The following KCNH7 variants were observed in gnomAD, a reference collection of about 807,000 sequenced individuals.
The protein encoded by KCNH7 is potassium voltage-gated channel subfamily H member 7, also known as voltage-gated inwardly rectifying potassium channel KCNH7.
In KCNH7, 49 loss-of-function variants were observed where a neutral mutation model predicts 120.8. The observed-to-expected ratio is 0.41, with a 90% CI of 0.32 to 0.51. The LOEUF (loss-of-function observed/expected upper bound fraction) is 0.51, where lower values mean the gene tolerates loss of function less well. KCNH7 is among the 20% of genes least tolerant of loss of function. The pLI, the probability that KCNH7 is intolerant of heterozygous loss-of-function variation, is 0.38. For missense variants in KCNH7, 1,097 were observed against 1,446.6 expected (o/e 0.76, Z 3.92); for synonymous variants, 547 against 516.1 (o/e 1.06, Z -0.81).
intron 7 of KCNH7, among the ~76,000 whole-genome samples, chr2:162,441,064 CT>C (rs1688401499): frequency 6.6e-6 from 1 of 151,328 alleles, no homozygotes. Flanking sequence ...TCTCATATCT[CT>C]TAAAAGTCAT....
At chr2:162,817,351 T>A (rs1194607000) in intron 2 of KCNH7, among the ~76,000 whole-genome samples, 1 of 152,194 alleles carries the variant, frequency 6.6e-6, no homozygotes, top group African/African-American at 2.4e-5. Flanking sequence ...CATTTTTTGC[T>A]CAACATGTTT....
intron 2 of KCNH7, among the ~76,000 whole-genome samples, chr2:162,671,238 A>C (rs906976722): frequency 6.6e-6 from 1 of 152,192 alleles, no homozygotes; most frequent in Non-Finnish European, 1.5e-5. Context: ...TTATTTTATC[A>C]AAAAGACACC....
At chr2:162,591,174 A>G (rs1694204410) in intron 2 of KCNH7, among the ~76,000 whole-genome samples, 1 of 152,074 alleles carries the variant, frequency 6.6e-6, no homozygotes, top group African/African-American at 2.4e-5. Context: ...CTTTCTCAAC[A>G]AGATTATCTT....
chr2:162,760,887 C>T (rs532618426), intron 2 of KCNH7, among the ~76,000 whole-genome samples: 10 of 152,154 alleles, frequency 6.6e-5, no homozygotes, highest in East Asian at 1.9e-4. Flanking sequence ...TAGAAAGATC[C>T]GCACAAGGTA....
At chr2:162,462,012 G>A (rs1393147664) in intron 6 of KCNH7, among the ~76,000 whole-genome samples, 1 of 152,082 alleles carries the variant, frequency 6.6e-6, no homozygotes, top group Non-Finnish European at 1.5e-5. Context: ...ATACTTTCCA[G>A]GGGTCCTGTA....
intron 5 of KCNH7, among the ~76,000 whole-genome samples, 177 bp from the exon 6 acceptor site, chr2:162,504,834 C>T (rs763236084): frequency 1.3e-5 from 2 of 151,940 alleles, no homozygotes; most frequent in African/African-American, 4.8e-5. Flanking sequence ...CATGGAATGG[C>T]ATGTGAGTAT....
chr2:162,440,681 T>C (rs17728270), intron 7 of KCNH7, among the ~76,000 whole-genome samples: 10,063 of 152,164 alleles, frequency 0.066, 453 homozygotes, highest in Non-Finnish European at 0.092. Context: ...TTCTAAAGTA[T>C]GGCTTTTAAA....
intron 5 of KCNH7, among the ~76,000 whole-genome samples, chr2:162,509,224 T>G (rs1429949801): frequency 1.3e-5 from 2 of 151,530 alleles, no homozygotes; most frequent in East Asian, 3.9e-4. Context: ...CTATTTAAAT[T>G]TATCATGAGT....
chr2:162,720,568 T>G (rs1687293496), intron 2 of KCNH7, among the ~76,000 whole-genome samples: 1 of 151,918 alleles, frequency 6.6e-6, no homozygotes, highest in Non-Finnish European at 1.5e-5. Context: ...TAACACACAA[T>G]TTAAAAATAA....
At chr2:162,454,704 G>A (rs1012638667) in intron 6 of KCNH7, among the ~76,000 whole-genome samples, 2 of 151,866 alleles carry the variant, frequency 1.3e-5, no homozygotes, top group Non-Finnish European at 1.5e-5. Flanking sequence ...TAGCAATTGT[G>A]AACAGAAGTT....
chr2:162,714,974 T>G (rs1432080961), intron 2 of KCNH7, among the ~76,000 whole-genome samples: 1 of 152,214 alleles, frequency 6.6e-6, no homozygotes, highest in African/African-American at 2.4e-5. Flanking sequence ...ATAAATGTCA[T>G]GCTAATAATG....
chr2:162,724,320 T>C (rs1687436112), intron 2 of KCNH7, among the ~76,000 whole-genome samples: 1 of 152,194 alleles, frequency 6.6e-6, no homozygotes, highest in Non-Finnish European at 1.5e-5. Context: ...TATGATAAAG[T>C]TGAATTTATA....
At chr2:162,455,924 G>A (rs930221796) in intron 6 of KCNH7, among the ~76,000 whole-genome samples, 2 of 151,916 alleles carry the variant, frequency 1.3e-5, no homozygotes, top group African/African-American at 4.8e-5. Context: ...GGTTTTTCGT[G>A]TCTCGATCTC....
At chr2:162,708,758 T>C (rs1330965151) in intron 2 of KCNH7, among the ~76,000 whole-genome samples, 3 of 152,178 alleles carry the variant, frequency 2.0e-5, no homozygotes, top group Non-Finnish European at 4.4e-5. Flanking sequence ...GAATCAACAT[T>C]ACATACACAC....
At chr2:162,647,411 T>C (rs1378852235) in intron 2 of KCNH7, among the ~76,000 whole-genome samples, 1 of 152,122 alleles carries the variant, frequency 6.6e-6, no homozygotes, top group Non-Finnish European at 1.5e-5. Context: ...ACTATGGGGG[T>C]CATCCCTAAA....
intron 4 of KCNH7, among the ~76,000 whole-genome samples, chr2:162,515,586 A>G (rs373714595): frequency 6.6e-6 from 1 of 151,808 alleles, no homozygotes; most frequent in African/African-American, 2.4e-5. Flanking sequence ...AAGTGACTAC[A>G]CTAACTAAAC....
chr2:162,487,372 G>T (rs1275146734), intron 6 of KCNH7, among the ~76,000 whole-genome samples: 2 of 152,080 alleles, frequency 1.3e-5, no homozygotes, highest in African/African-American at 2.4e-5. Context: ...TTCCAAGTTT[G>T]CCTGATCTTA....
chr2:162,439,418 G>A (rs1365350948), intron 7 of KCNH7, among the ~76,000 whole-genome samples: 1 of 152,020 alleles, frequency 6.6e-6, no homozygotes, highest in African/African-American at 2.4e-5. Flanking sequence ...ATTGAAGCAA[G>A]GCACTTTGTT....
intron 2 of KCNH7, among the ~76,000 whole-genome samples, chr2:162,619,339 G>T (rs1383284259): frequency 6.6e-6 from 1 of 152,088 alleles, no homozygotes; most frequent in Non-Finnish European, 1.5e-5. Flanking sequence ...TCAGTGGCCA[G>T]TCAGGGCAAA....
Sources: gnomAD v4.1 joint callset for allele counts (sites outside exome capture counted in the v4.1 genomes callset) on GRCh38, gnomAD v4.1.1 for gene constraint, MANE v1.5 for transcripts, NCBI Gene and HGNC (gene_info 2026-07-23, HGNC 2026-07-21) for gene names.